The following GNAQ variants were observed in gnomAD, a reference collection of about 807,000 sequenced individuals.
The protein encoded by GNAQ is G protein subunit alpha q.
A neutral mutation model predicts 43.9 loss-of-function variants in GNAQ; 8 were observed. That is an observed-to-expected ratio of 0.18 (90% CI 0.11 to 0.33). The LOEUF is 0.33. Among genes scored for constraint, GNAQ ranks in the 10% least tolerant of loss-of-function variants. The pLI, the probability that GNAQ is intolerant of heterozygous loss-of-function variation, is 1.00. For missense variants in GNAQ, 158 were observed against 450.8 expected, an observed-to-expected ratio of 0.35 and a Z score of 5.88; for synonymous variants, 155 against 170.7, an observed-to-expected ratio of 0.91 and a Z score of 0.71.
At chr9:77,832,308 TG>T (rs1827312215) in intron 2 of GNAQ, among the ~76,000 whole-genome samples, 1 of 152,172 alleles carries the variant, frequency 6.6e-6, no homozygotes, top group Non-Finnish European at 1.5e-5. Flanking sequence ...ACAAAGTTCT[TG>T]CTTCAATTAT....
At chr9:77,815,964 A>T (rs1827007426) in intron 2 of GNAQ, among the ~76,000 whole-genome samples, 194 bp from the exon 3 acceptor site, 1 of 152,128 alleles carries the variant, frequency 6.6e-6, no homozygotes, top group South Asian at 2.1e-4. Context: ...TTCCCTCTAG[A>T]GTAAACCTTG....
chr9:77,775,101 T>C (rs1826287164), intron 5 of GNAQ, among the ~76,000 whole-genome samples: 1 of 152,216 alleles, frequency 6.6e-6, no homozygotes, highest in Non-Finnish European at 1.5e-5. Context: ...ATATTAATTA[T>C]ACATCTATAT....
intron 1 of GNAQ, among the ~76,000 whole-genome samples, chr9:77,943,947 G>GT (rs1829351069): frequency 6.6e-6 from 1 of 152,094 alleles, no homozygotes; most frequent in South Asian, 2.1e-4. Context: ...GATTACAGGC[G>GT]TGAGACACAG....
intron 5 of GNAQ, among the ~76,000 whole-genome samples, chr9:77,777,287 A>T (rs758930300): frequency 6.6e-6 from 1 of 152,262 alleles, no homozygotes; most frequent in Middle Eastern, 3.4e-3. Context: ...AATGCAATAT[A>T]TATTCATTAG....
chr9:77,999,092 C>CAAA lies in GNAQ; in HGVS notation c.136+32005_136+32007dup, dbSNP rs56358201. On this transcript the variant is annotated intron_variant, in intron 1 of 6. Transcript: ENST00000286548. ...GGGCAACAAGAGTGAAACTCTGTCT[C>CAAA]AAAAAAAAAAAAAAAAAAAAAAAAA... Among the ~76,000 whole-genome samples, 36 of 52,566 alleles carry CAAA rather than the reference C, an allele frequency of 6.8e-4. 2 individuals are homozygous for CAAA. Among genetic ancestry groups the CAAA allele is most frequent in the East Asian group, 3.5e-3 (4 of 1,144 alleles). The allele number at this position is 52,566 out of a possible 152,430, so 34.5% of individuals were successfully genotyped here. A position where few individuals can be genotyped will look rare whatever the true frequency, so the allele number is the denominator to read the frequency against.
chr9:77,781,575 C>G (rs1826393950), intron 5 of GNAQ, among the ~76,000 whole-genome samples: 1 of 152,020 alleles, frequency 6.6e-6, no homozygotes, highest in Non-Finnish European at 1.5e-5. Flanking sequence ...AAGCTACAGA[C>G]CAGTATCTCT....
intron 1 of GNAQ, among the ~76,000 whole-genome samples, chr9:77,984,500 G>T (rs1281314206): frequency 6.6e-6 from 1 of 152,148 alleles, no homozygotes; most frequent in Non-Finnish European, 1.5e-5. Context: ...AACTGCCTTA[G>T]AGTTGATGAA....
rs112206331 is a variant in GNAQ at position 77,945,917 on chromosome 9, C to T, written c.137-23572G>A. Among the ~76,000 whole-genome samples the T allele has an allele frequency of 6.1e-3, 925 of 152,260 alleles. 3 individuals are homozygous for T. Among genetic ancestry groups the T allele is most frequent in the African/African-American group, 0.021 (869 of 41,542 alleles). On this transcript the variant is annotated intron_variant, in intron 1 of 6. Transcript: ENST00000286548. ...TATGCGAATCACCCAAGTTTACATCCTCTAACTTTCCCACTACTTATAAGG... is the reference window on the plus strand; with the variant it reads ...TATGCGAATCACCCAAGTTTACATCTTCTAACTTTCCCACTACTTATAAGG...
At chr9:77,834,516 A>C (rs1023674863) in intron 2 of GNAQ, among the ~76,000 whole-genome samples, 4 of 136,304 alleles carry the variant, frequency 2.9e-5, no homozygotes, top group Non-Finnish European at 3.3e-5. Context: ...CTTTTTTTTT[A>C]ACAGAATACT....
At chr9:77,945,950 A>T (rs939359044) in intron 1 of GNAQ, among the ~76,000 whole-genome samples, 2 of 152,200 alleles carry the variant, frequency 1.3e-5, no homozygotes, top group African/African-American at 4.8e-5. Flanking sequence ...AGGTTGCCAC[A>T]CTTCCTGAAT....
chr9:77,814,877 G>C (rs761462651), intron 3 of GNAQ, among the ~76,000 whole-genome samples: 5 of 152,316 alleles, frequency 3.3e-5, no homozygotes, highest in South Asian at 2.1e-4. Flanking sequence ...TCACTATTCA[G>C]GTGCCTGGTT....
At chr9:77,829,874 G>C (rs1329009380) in intron 2 of GNAQ, among the ~76,000 whole-genome samples, 1 of 151,906 alleles carries the variant, frequency 6.6e-6, no homozygotes, top group African/African-American at 2.4e-5. Flanking sequence ...CATCACCTGG[G>C]GAGCTTAAAA....
chr9:77,910,025 T>C (rs533101583), intron 2 of GNAQ, among the ~76,000 whole-genome samples: 1 of 152,308 alleles, frequency 6.6e-6, no homozygotes, highest in Non-Finnish European at 1.5e-5. Flanking sequence ...AAAACATAAT[T>C]GCATAGCAGG....
intron 1 of GNAQ, among the ~76,000 whole-genome samples, chr9:77,993,053 G>A (rs1336990117): frequency 6.6e-6 from 1 of 152,092 alleles, no homozygotes; most frequent in Non-Finnish European, 1.5e-5. Flanking sequence ...TTCCAATATT[G>A]TTAGCTAAAA....
chr9:77,838,332 G>A (rs1284456366), intron 2 of GNAQ, among the ~76,000 whole-genome samples: 2 of 146,840 alleles, frequency 1.4e-5, no homozygotes, highest in Non-Finnish European at 3.0e-5. Flanking sequence ...TAGTAGAGAT[G>A]GGGTTTCTCC....
chr9:77,859,259 G>T (rs1376099732), intron 2 of GNAQ, among the ~76,000 whole-genome samples: 2 of 152,174 alleles, frequency 1.3e-5, no homozygotes, highest in African/African-American at 4.8e-5. Flanking sequence ...ATAACAAAAT[G>T]AAACCCAGAA....
intron 2 of GNAQ, among the ~76,000 whole-genome samples, chr9:77,833,438 G>A (rs1378597616): frequency 6.6e-6 from 1 of 152,214 alleles, no homozygotes; most frequent in Non-Finnish European, 1.5e-5. Flanking sequence ...CAACTGGTAA[G>A]TTGGCACTCA....
intron 1 of GNAQ, among the ~76,000 whole-genome samples, chr9:78,006,890 T>TGAG (rs1360842706): frequency 6.6e-6 from 1 of 152,200 alleles, no homozygotes; most frequent in African/African-American, 2.4e-5. Flanking sequence ...TTCATTTCAG[T>TGAG]TCTTTGCTAG....
intron 1 of GNAQ, among the ~76,000 whole-genome samples, chr9:78,015,537 A>G (rs1823828373): frequency 1.3e-5 from 2 of 152,248 alleles, no homozygotes; most frequent in Non-Finnish European, 2.9e-5. Context: ...AATATCAGTC[A>G]TAAAATTAAA....
Sources: allele counts gnomAD v4.1 joint callset (sites outside exome capture counted in the v4.1 genomes callset), GRCh38; gene constraint gnomAD v4.1.1; transcripts MANE v1.5; gene names NCBI Gene and HGNC (gene_info 2026-07-23, HGNC 2026-07-21).